Variants in ATP2C2 observed in about 807,000 individuals in gnomAD.
ATP2C2 encodes the protein calcium-transporting ATPase type 2C member 2.
In ATP2C2, 171 loss-of-function variants were observed where a neutral mutation model predicts 110.8. That is an observed-to-expected ratio of 1.54 (90% CI 1.36 to 1.75). The LOEUF is 1.75. Ranked by LOEUF, ATP2C2 falls within the 40% of genes most tolerant of loss-of-function variation. The pLI, the probability that ATP2C2 is intolerant of heterozygous loss-of-function variation, is 0.00. For missense variants in ATP2C2, 1,963 were observed against 1,235.0 expected (o/e 1.59, Z -8.84); for synonymous variants, 804 against 508.4 (o/e 1.58, Z -7.82).
chr16:84,452,711 C>T (rs902159167), intron 18 of ATP2C2, among the ~76,000 whole-genome samples: 3 of 152,048 alleles, frequency 2.0e-5, no homozygotes, highest in Non-Finnish European at 2.9e-5. Flanking sequence ...GTTGCCCAGG[C>T]TGGTCTTGAA....
intron 21 of ATP2C2, 80 bp downstream of exon 21, chr16:84,455,064 A>T: frequency 1.1e-5 from 15 of 1,339,726 alleles, no homozygotes; most frequent in African/African-American, 1.7e-5. Context: ...GCTACTGTGG[A>T]GATAGAGGGG....
chr16:84,401,709 A>C (rs1905334377), intron 2 of ATP2C2, among the ~76,000 whole-genome samples: 1 of 152,158 alleles, frequency 6.6e-6, no homozygotes, highest in African/African-American at 2.4e-5. Flanking sequence ...TTATGACAGT[A>C]CCATGCTGTT....
intron 1 of ATP2C2, among the ~76,000 whole-genome samples, chr16:84,370,276 C>G (rs1199130232): frequency 1.3e-5 from 2 of 152,180 alleles, no homozygotes; most frequent in African/African-American, 4.8e-5. Context: ...AGTGTGCTCT[C>G]CCACCTGGCT....
chr16:84,432,646 A>G (rs1908385578), intron 11 of ATP2C2, among the ~76,000 whole-genome samples: 1 of 151,902 alleles, frequency 6.6e-6, no homozygotes, highest in African/African-American at 2.4e-5. Flanking sequence ...TCAGCCTCCC[A>G]AGTAGCTGAG....
At chr16:84,424,455 T>A (rs1907618216) in intron 10 of ATP2C2, among the ~76,000 whole-genome samples, 1 of 152,124 alleles carries the variant, frequency 6.6e-6, no homozygotes, top group South Asian at 2.1e-4. Context: ...TTTTTGTATT[T>A]TTGGTAGAGA....
In ATP2C2 at chr16:84,368,647, A is replaced by G. The variant is rs1909768158; in HGVS notation, c.32A>G (p.Lys11Arg). The change falls in exon 1 of 27, where the codon AAG (lysine) becomes AGG (arginine). Residue 11 changes from lysine to arginine, a missense_variant. By Grantham distance (26) the Lys-to-Arg change is conservative. Transcript: ENST00000262429. Reference protein sequence around the residue: MVEGRVSEFLKKLGFSGGGRQ... With the variant: MVEGRVSEFLRKLGFSGGGRQ... ...GAGGGACGCGTCTCCGAGTTCCTGA[A>G]GAAACTCGGCTTCTCGGGCGGGGGC... 6.4e-7 allele frequency: 1 copy of G among 1,566,326 alleles called. No individual in the cohort carries two copies. The highest frequency in any genetic ancestry group is 8.6e-7 in the Non-Finnish European group (1 of 1,157,298).
chr16:84,412,980 T>C (rs1490875959), intron 6 of ATP2C2, among the ~76,000 whole-genome samples: 1 of 151,702 alleles, frequency 6.6e-6, no homozygotes, highest in African/African-American at 2.4e-5. Context: ...GTGTCTGTAA[T>C]CCCAGCTACT....
At position 84,453,217 on chromosome 16, in the gene ATP2C2, G is replaced by A; in HGVS notation, c.1911G>A (p.Leu637=). 1.9e-6 allele frequency: 3 copies of A among 1,613,908 alleles called. No individual in the cohort carries two copies. Among genetic ancestry groups the A allele is most frequent in the Non-Finnish European group, 2.5e-6 (3 of 1,179,802 alleles). ...EEVDSVEKGE[L]ADRVGKVSVF... ...TGGACAGCGTGGAGAAGGGCGAGCT[G>A]GCCGACCGCGTGGGGAAGGTGGGTC... is the stretch of plus-strand genomic sequence containing the variant. The change falls in exon 19 of 27, where the codon CTG becomes CTA. Residue 637 remains leucine, a synonymous_variant. Transcript: ENST00000262429.
At chr16:84,379,998 A>C (rs568250676) in intron 1 of ATP2C2, among the ~76,000 whole-genome samples, 6 of 152,284 alleles carry the variant, frequency 3.9e-5, no homozygotes, top group Non-Finnish European at 1.5e-5. Flanking sequence ...TCAGAGAACT[A>C]AGCCTTGCAT....
At position 84,368,846 on chromosome 16, in the gene ATP2C2, G is replaced by A. The variant is rs1909786324; in HGVS notation, c.99+132G>A. The A allele has an allele frequency of 6.2e-6, 5 of 804,106 alleles. No individual in the cohort carries two copies. The South Asian group carries it at 8.7e-5, about 14-fold the overall frequency. The allele number at this position is 804,106 out of a possible 1,614,324, so 49.8% of individuals were successfully genotyped here. ...CGCCCTCCTCCCCTGGCTCTGGAAA[G>A]AAGCTGTCCTCACAGCAACCGCGCT... On this transcript the variant is annotated intron_variant, in intron 1 of 26. Coordinates refer to ENST00000262429, the MANE Select transcript of ATP2C2 (RefSeq NM_014861.4).
In ATP2C2 at chr16:84,406,088, C is replaced by G. The variant is rs554057480; in HGVS notation, c.327+844C>G. On this transcript the variant is annotated intron_variant, in intron 3 of 26. Transcript: ENST00000262429. ...TCCTACTGTAACCTGAGCCCAAAGT[C>G]ACATAGCTGTGAGGAGCAGTGCAGA... Among the ~76,000 whole-genome samples, 4 of 152,336 alleles carry G rather than the reference C, an allele frequency of 2.6e-5. No individual in the cohort carries two copies. The South Asian group carries it at 8.3e-4, about 32-fold the overall frequency.
chr16:84,464,017 G>A lies in ATP2C2; in HGVS notation c.*285G>A, dbSNP rs1045351675. On this transcript the variant is annotated 3_prime_UTR_variant, in exon 27 of 27. Coordinates refer to ENST00000262429, the MANE Select transcript of ATP2C2 (RefSeq NM_014861.4). ...ATTTTTATTAACCATGTCTAACTACGTATCTGTGCCACAGCTTGCAGTGAG... is the reference window on the plus strand; with the variant it reads ...ATTTTTATTAACCATGTCTAACTACATATCTGTGCCACAGCTTGCAGTGAG... 6 of 296,008 alleles carry A rather than the reference G, an allele frequency of 2.0e-5. No homozygotes were observed. The highest frequency in any genetic ancestry group is 4.3e-5 in the African/African-American group (2 of 46,580). 18.3% of individuals were successfully genotyped at this position (296,008 alleles called of 1,614,324 possible). A position where few individuals can be genotyped will look rare whatever the true frequency, so the allele number is the denominator to read the frequency against.
intron 1 of ATP2C2, among the ~76,000 whole-genome samples, chr16:84,378,908 G>T (rs1597729312): frequency 6.6e-6 from 1 of 152,084 alleles, no homozygotes; most frequent in South Asian, 2.1e-4. Flanking sequence ...TGCTGTTTGG[G>T]GTTCTCTTTT....
Position 84,428,654 on chromosome 16 carries a change from C to G in ATP2C2, c.986+2853C>G, listed in dbSNP as rs78291787. Among the ~76,000 whole-genome samples, 450 of 152,102 alleles carry G rather than the reference C, an allele frequency of 3.0e-3. 6 individuals are homozygous for G. Among genetic ancestry groups the G allele is most frequent in the African/African-American group, 0.01 (429 of 41,482 alleles). On this transcript the variant is annotated intron_variant, in intron 11 of 26. Coordinates refer to ENST00000262429, the MANE Select transcript of ATP2C2 (RefSeq NM_014861.4). ...TACAAATGACAGACACTTGGAAAAC[C>G]CCATCCCAGATAAATTCTAAGTCAT...
rs1465467603 is a variant in ATP2C2 at position 84,410,685 on chromosome 16, C to G, written c.454-19C>G. The G allele has an allele frequency of 1.9e-6, 3 of 1,614,114 alleles. No individual in the cohort carries two copies. The highest frequency in any genetic ancestry group is 2.2e-5 in the South Asian group (2 of 91,078). ...GAGTCCCCACCTTTAAACAGCACAT[C>G]TGATGTGCTTCCTGCCAGGAGTACA... is the stretch of plus-strand genomic sequence containing the variant. On this transcript the variant is annotated intron_variant, in intron 5 of 26. Transcript: ENST00000262429.
chr16:84,462,488 T>G, intron 26 of ATP2C2: 1 of 199,796 alleles, frequency 5.0e-6, no homozygotes, highest in Admixed American at 5.3e-5. Flanking sequence ...AGCCTGGACT[T>G]GACCCTGGGG....
chr16:84,446,851 T>C (rs997597043), intron 16 of ATP2C2, among the ~76,000 whole-genome samples: 2 of 152,164 alleles, frequency 1.3e-5, no homozygotes, highest in Non-Finnish European at 2.9e-5. Flanking sequence ...AGTCGCCAAC[T>C]TGCCAGTCCT....
chr16:84,418,592 A>G (rs1418509658), intron 7 of ATP2C2, among the ~76,000 whole-genome samples: 1 of 152,136 alleles, frequency 6.6e-6, no homozygotes, highest in East Asian at 1.9e-4. Context: ...CCTCTGCGTT[A>G]TTTTACTACA....
chr16:84,398,231 G>A (rs6564031), intron 1 of ATP2C2, among the ~76,000 whole-genome samples: 11,105 of 151,792 alleles, frequency 0.073, 842 homozygotes, highest in African/African-American at 0.2. Context: ...GTGAAACCTC[G>A]TCTCTACTAA....
Sources: allele counts gnomAD v4.1 joint callset (sites outside exome capture counted in the v4.1 genomes callset), GRCh38; gene constraint gnomAD v4.1.1; transcripts MANE v1.5; gene names NCBI Gene and HGNC (gene_info 2026-07-23, HGNC 2026-07-21).